Variants in DNM2 observed in about 807,000 individuals in gnomAD.
DNM2 encodes dynamin 2, also known as dynamin-2.
Under a neutral mutation model 99.0 loss-of-function variants are expected in DNM2, and 15 were observed. That is an observed-to-expected ratio of 0.15 (90% CI 0.10 to 0.23). The LOEUF (loss-of-function observed/expected upper bound fraction) is 0.23, where lower values mean the gene tolerates loss of function less well. DNM2 is among the 10% of genes least tolerant of loss of function. DNM2 has a pLI of 1.00. For synonymous variants in DNM2, 525 were observed against 481.2 expected, an observed-to-expected ratio of 1.09 and a Z score of -1.19; for missense variants, 742 against 1,189.4, an observed-to-expected ratio of 0.62 and a Z score of 5.53.
intron 12 of DNM2, among the ~76,000 whole-genome samples, chr19:10,804,363 G>T (rs557278707): frequency 6.6e-6 from 1 of 152,074 alleles, no homozygotes; most frequent in African/African-American, 2.4e-5. Context: ...TGAATGTTCT[G>T]GGCTTCCCAT....
chr19:10,758,498 C>CTTCCTCCCT (rs1162022986), intron 1 of DNM2, among the ~76,000 whole-genome samples: 1 of 106,800 alleles, frequency 9.4e-6, no homozygotes, highest in African/African-American at 4.0e-5. Flanking sequence ...TCCTTCCTTC[C>CTTCCTCCCT]TTCCTCCCTT....
chr19:10,739,660 A>C (rs951073625), intron 1 of DNM2, among the ~76,000 whole-genome samples: 2 of 152,106 alleles, frequency 1.3e-5, no homozygotes, highest in African/African-American at 4.8e-5. Context: ...TGATGAGACC[A>C]GCCTGCCCAA....
At chr19:10,753,312 C>T (rs1028504739) in intron 1 of DNM2, among the ~76,000 whole-genome samples, 1 of 152,108 alleles carries the variant, frequency 6.6e-6, no homozygotes, top group Non-Finnish European at 1.5e-5. Flanking sequence ...CCCAGCCGCC[C>T]CGGGTCCTGT....
chr19:10,794,610 C>G (rs1398494845), intron 8 of DNM2, among the ~76,000 whole-genome samples: 4 of 151,914 alleles, frequency 2.6e-5, no homozygotes, highest in African/African-American at 9.7e-5. Context: ...GGTGTGGTGG[C>G]ATGTGCCTGT....
In DNM2 at chr19:10,799,842, C is replaced by CT. The variant is rs1160893569; in HGVS notation, c.1422+1277dup. Among the ~76,000 whole-genome samples, 7 of 150,358 alleles carry CT rather than the reference C, an allele frequency of 4.7e-5. No individual in the cohort carries two copies. The South Asian group carries it at 6.3e-4, about 14-fold the overall frequency. ...AGCTACCACGCCCAGCCTGCTTTTT[C>CT]TTTTTTTAACATTTAACGCTTTCTT... is the stretch of plus-strand genomic sequence containing the variant. On this transcript the variant is annotated intron_variant, in intron 11 of 20. Transcript: ENST00000389253.
At chr19:10,763,490 C>T (rs1398644298) in intron 2 of DNM2, 2 of 152,466 alleles carry the variant, frequency 1.3e-5, no homozygotes, top group Non-Finnish European at 2.9e-5. Context: ...AGGGGTGAGC[C>T]CCTGCGCCCG....
At position 10,777,232 on chromosome 19, in the gene DNM2, T is replaced by G; in HGVS notation, c.688+16T>G. ...TTGAGAAGAGGTGTGGCTTTGGGGGTGCTGGGGAAGCAGGAGGATGGGTGG... is the reference window on the plus strand; with the variant it reads ...TTGAGAAGAGGTGTGGCTTTGGGGGGGCTGGGGAAGCAGGAGGATGGGTGG... On this transcript the variant is annotated intron_variant, in intron 5 of 20. Coordinates refer to ENST00000389253, the MANE Select transcript of DNM2 (RefSeq NM_001005361.3). 6.2e-7 allele frequency: 1 copy of G among 1,613,564 alleles called. No homozygotes were observed. Among genetic ancestry groups the G allele is most frequent in the Non-Finnish European group, 8.5e-7 (1 of 1,179,616 alleles).
At chr19:10,751,225 C>T (rs930987661) in intron 1 of DNM2, among the ~76,000 whole-genome samples, 2 of 152,196 alleles carry the variant, frequency 1.3e-5, no homozygotes, top group South Asian at 4.2e-4. Flanking sequence ...CCCTGTCTTA[C>T]TGACGGGAAA....
chr19:10,779,502 C>CTTTCTTTCTTT (rs1290878626), intron 5 of DNM2, among the ~76,000 whole-genome samples: 2 of 29,626 alleles, frequency 6.8e-5, no homozygotes, highest in Non-Finnish European at 1.2e-4. Flanking sequence ...TTCTTTCTTT[C>CTTTCTTTCTTT]TTTTTTTTTT....
In DNM2 at chr19:10,793,861, G is replaced by GC. The variant is rs779676389; in HGVS notation, c.1128+12dup. ...TCCCATTTGAGCTGGTGAAGGTAGT[G>GC]CCCCCCGGGGCTGGGCCCTCCCGTC... On this transcript the variant is annotated splice_region_variant and intron_variant, in intron 8 of 20. Coordinates refer to ENST00000389253, the MANE Select transcript of DNM2 (RefSeq NM_001005361.3). 5 of 1,614,082 alleles carry GC rather than the reference G, an allele frequency of 3.1e-6. No homozygotes were observed. The highest frequency in any genetic ancestry group is 1.1e-5 in the South Asian group (1 of 91,078).
chr19:10,757,202 C>T (rs978757936), intron 1 of DNM2, among the ~76,000 whole-genome samples: 14 of 152,138 alleles, frequency 9.2e-5, no homozygotes, highest in Admixed American at 6.6e-4. Context: ...TTGCCCATCA[C>T]GATCCCTTTT....
intron 1 of DNM2, among the ~76,000 whole-genome samples, chr19:10,739,861 CAAAAAAAAA>C (rs59755624): frequency 2.8e-4 from 9 of 32,644 alleles, no homozygotes; most frequent in African/African-American, 9.3e-4. Context: ...CTCTCTCTCT[CAAAAAAAAA>C]AAAAAAAAAA....
At chr19:10,741,437 C>G (rs1004825212) in intron 1 of DNM2, among the ~76,000 whole-genome samples, 1 of 151,952 alleles carries the variant, frequency 6.6e-6, no homozygotes, top group Non-Finnish European at 1.5e-5. Flanking sequence ...CTATATTGAC[C>G]AGGCTGGCCT....
chr19:10,725,931 A>T (rs2069099359), intron 1 of DNM2, among the ~76,000 whole-genome samples: 1 of 151,906 alleles, frequency 6.6e-6, no homozygotes, highest in Non-Finnish European at 1.5e-5. Context: ...TTACAAAAAA[A>T]TTTTTTTGGC....
At position 10,816,883 on chromosome 19, in the gene DNM2, G is replaced by A. The variant is rs2072761120; in HGVS notation, c.1672-3097G>A. Among the ~76,000 whole-genome samples the A allele has an allele frequency of 6.6e-6, 1 of 152,210 alleles. No individual in the cohort carries two copies. The highest frequency in any genetic ancestry group is 1.5e-5 in the Non-Finnish European group (1 of 68,026). On this transcript the variant is annotated intron_variant, in intron 15 of 20. Coordinates refer to ENST00000389253, the MANE Select transcript of DNM2 (RefSeq NM_001005361.3). This position sits in a 1 kb window ranked among gnomAD's most constrained non-coding sequence, Gnocchi z 4.6. ...TGTTTTTCTCATCTGAGAGTTGAAA[G>A]CCAGAGCCCCCGACCCTCCCGTGGA...
At position 10,831,178 on chromosome 19, in the gene DNM2, C is replaced by T. The variant is rs761155589; in HGVS notation, c.*131C>T. 31 of 1,419,116 alleles carry T rather than the reference C, an allele frequency of 2.2e-5. No homozygotes were observed. Among genetic ancestry groups the T allele is most frequent in the South Asian group, 1.2e-4 (8 of 65,920 alleles). The allele number at this position is 1,419,116 out of a possible 1,614,324, so 87.9% of individuals were successfully genotyped here. A position where few individuals can be genotyped will look rare whatever the true frequency, so the allele number is the denominator to read the frequency against. On this transcript the variant is annotated 3_prime_UTR_variant, in exon 21 of 21. Coordinates refer to ENST00000389253, the MANE Select transcript of DNM2 (RefSeq NM_001005361.3). This position sits in a 1 kb window ranked among gnomAD's most constrained non-coding sequence, Gnocchi z 4.3. ...TGGGCAGCCCTGGCCTCTTCCTTAA[C>T]GCTGGCCCCGGTCCAGGGCCGGCCC...
intron 1 of DNM2, among the ~76,000 whole-genome samples, chr19:10,743,047 G>A (rs1468422034): frequency 6.6e-6 from 1 of 151,548 alleles, no homozygotes; most frequent in African/African-American, 2.4e-5. Context: ...TCAAGTAGCT[G>A]GGACCACAGG....
chr19:10,829,239 C>T lies in DNM2; in HGVS notation c.2262C>T (p.Asp754=). 6.2e-7 allele frequency: 1 copy of T among 1,613,808 alleles called. No individual in the cohort carries two copies. Among genetic ancestry groups the T allele is most frequent in the Non-Finnish European group, 8.5e-7 (1 of 1,180,018 alleles). ...CGCCTGTACCCCCGCCTGTCGATGACACCTGGCTCCAGAGCGCCAGCAGCC... is the reference window on the plus strand; with the variant it reads ...CGCCTGTACCCCCGCCTGTCGATGATACCTGGCTCCAGAGCGCCAGCAGCC... ...VSTPVPPPVD[D]TWLQSASSHS... Residue 754 remains aspartate (D), a synonymous_variant, in exon 19 of 21, where the codon GAC becomes GAT. Coordinates refer to ENST00000389253, the MANE Select transcript of DNM2 (RefSeq NM_001005361.3).
rs1186218162 is a variant in DNM2 at position 10,811,542 on chromosome 19, T to C, written c.1558-722T>C. ...GGTCCCAGGCCGCCCTGTGCGTGCCTCCGTGTGCTTCCTGCAGCTCCCAGG... is the reference window on the plus strand; with the variant it reads ...GGTCCCAGGCCGCCCTGTGCGTGCCCCCGTGTGCTTCCTGCAGCTCCCAGG... On this transcript the variant is annotated intron_variant, in intron 14 of 20. Coordinates refer to ENST00000389253, the MANE Select transcript of DNM2 (RefSeq NM_001005361.3). This position sits in a 1 kb window ranked among gnomAD's most constrained non-coding sequence, Gnocchi z 5.4. 1.1e-5 allele frequency: 4 copies of C among 376,010 alleles called. No individual in the cohort carries two copies. The highest frequency in any genetic ancestry group is 4.2e-5 in the African/African-American group (2 of 47,358). The allele number at this position is 376,010 out of a possible 1,614,324, so 23.3% of individuals were successfully genotyped here.
Sources: gnomAD v4.1 joint callset for allele counts (sites outside exome capture counted in the v4.1 genomes callset) on GRCh38, gnomAD v4.1.1 for gene constraint, Gnocchi (gnomAD v3.1) non-coding constraint, MANE v1.5 for transcripts, NCBI Gene and HGNC (gene_info 2026-07-23, HGNC 2026-07-21) for gene names.